The following PKIB variants were observed in gnomAD, a reference collection of about 807,000 sequenced individuals.
PKIB encodes the protein cAMP-dependent protein kinase inhibitor beta.
PKIB carries 2 observed loss-of-function variants against 4.5 expected under a neutral mutation model. That is an observed-to-expected ratio of 0.44 (90% CI 0.18 to 1.39). PKIB has a LOEUF of 1.39. PKIB is among the 40% of genes most tolerant of loss of function. The pLI, the probability that PKIB is intolerant of heterozygous loss-of-function variation, is 0.27. For synonymous variants in PKIB, 38 were observed against 36.0 expected (o/e 1.06, Z -0.20); for missense variants, 94 against 92.6 (o/e 1.02, Z -0.06).
chr6:122,593,537 G>A (rs1362440150), intron 3 of PKIB, among the ~76,000 whole-genome samples: 2 of 152,102 alleles, frequency 1.3e-5, no homozygotes, highest in Non-Finnish European at 2.9e-5. Flanking sequence ...ACTTTATTAC[G>A]TGAATTCCAG....
chr6:122,504,872 G>A lies in PKIB; in HGVS notation c.-248+26933G>A, dbSNP rs116433511. ...TTGTGGGCCAGCCTCAACACCATCCGTAGGGTATCCGAAGTCCGGTGGTAA... is the reference window on the plus strand; with the variant it reads ...TTGTGGGCCAGCCTCAACACCATCCATAGGGTATCCGAAGTCCGGTGGTAA... On this transcript the variant is annotated intron_variant, in intron 2 of 6. Coordinates refer to the PKIB transcript ENST00000392491. Among the ~76,000 whole-genome samples, 431 of 152,208 alleles carry A rather than the reference G, an allele frequency of 2.8e-3. 4 individuals carry two copies. Among genetic ancestry groups the A allele is most frequent in the African/African-American group, 9.1e-3 (377 of 41,530 alleles).
chr6:122,674,138 G>C (rs1777574299), intron 2 of PKIB, among the ~76,000 whole-genome samples: 1 of 152,148 alleles, frequency 6.6e-6, no homozygotes, highest in Admixed American at 6.5e-5. Flanking sequence ...GTGGAGTGGG[G>C]CTAGTTCTTG....
At chr6:122,714,728 T>C (rs1426126403) in intron 3 of PKIB, among the ~76,000 whole-genome samples, 1 of 152,118 alleles carries the variant, frequency 6.6e-6, no homozygotes, top group Non-Finnish European at 1.5e-5. Flanking sequence ...TATTGGGTAT[T>C]GGGCTTAATA....
At chr6:122,543,088 G>C (rs1777658691) in intron 2 of PKIB, among the ~76,000 whole-genome samples, 1 of 152,072 alleles carries the variant, frequency 6.6e-6, no homozygotes, top group Non-Finnish European at 1.5e-5. Context: ...TAGGGTGGGA[G>C]TGACCTGATT....
intron 2 of PKIB, among the ~76,000 whole-genome samples, chr6:122,512,136 C>G (rs1225507718): frequency 6.6e-6 from 1 of 152,176 alleles, no homozygotes; most frequent in African/African-American, 2.4e-5. Flanking sequence ...CCTAACACAC[C>G]AGTACCTCAG....
intron 2 of PKIB, among the ~76,000 whole-genome samples, chr6:122,496,014 G>A (rs1300229114): frequency 6.6e-6 from 1 of 152,116 alleles, no homozygotes; most frequent in Non-Finnish European, 1.5e-5. Flanking sequence ...TGGGGCTCCA[G>A]CTCAACCCAG....
intron 3 of PKIB, among the ~76,000 whole-genome samples, chr6:122,713,499 A>G (rs977361718): frequency 1.3e-5 from 2 of 152,150 alleles, no homozygotes; most frequent in Non-Finnish European, 1.5e-5. Flanking sequence ...GAAGAGAGCA[A>G]TTGTCTGTTT....
chr6:122,619,919 A>G (rs536451458), intron 1 of PKIB, among the ~76,000 whole-genome samples: 19 of 152,204 alleles, frequency 1.2e-4, no homozygotes, highest in African/African-American at 4.1e-4. Context: ...AAATTAATCT[A>G]TATTATTAAC....
chr6:122,582,591 G>C (rs1055562993), intron 2 of PKIB, among the ~76,000 whole-genome samples: 1 of 152,118 alleles, frequency 6.6e-6, no homozygotes, highest in Non-Finnish European at 1.5e-5. Context: ...GGAGGGGCTA[G>C]ACATATAGAT....
At chr6:122,659,797 G>C (rs892617452) in intron 2 of PKIB, among the ~76,000 whole-genome samples, 1 of 152,050 alleles carries the variant, frequency 6.6e-6, no homozygotes, top group Admixed American at 6.6e-5. Context: ...TGTAAATGCA[G>C]AAGTGAAGTA....
intron 2 of PKIB, among the ~76,000 whole-genome samples, chr6:122,662,308 CTTTTTTTTTTTTTTTTTTT>C (rs71021412): frequency 6.8e-4 from 9 of 13,252 alleles, no homozygotes; most frequent in Non-Finnish European, 1.2e-3. Flanking sequence ...TCCTTGTCTC[CTTTTTTTTTTTTTTTTTTT>C]TTTTTTTTTT....
chr6:122,514,250 G>A (rs752378372), intron 2 of PKIB, among the ~76,000 whole-genome samples: 3 of 152,172 alleles, frequency 2.0e-5, no homozygotes, highest in Non-Finnish European at 2.9e-5. Context: ...AGAATTCTCA[G>A]TATGCTTTCC....
chr6:122,663,655 C>T (rs1777102840), intron 2 of PKIB, among the ~76,000 whole-genome samples: 2 of 152,150 alleles, frequency 1.3e-5, no homozygotes, highest in Non-Finnish European at 2.9e-5. Flanking sequence ...ACAGGACATT[C>T]TCTGTGTGTC....
chr6:122,644,270 T>G (rs1325959711), intron 2 of PKIB: 4 of 152,228 alleles, frequency 2.6e-5, no homozygotes, highest in African/African-American at 9.6e-5. Flanking sequence ...TTTCTTAGTC[T>G]TTCTAACACT....
intron 2 of PKIB, among the ~76,000 whole-genome samples, chr6:122,523,039 A>G (rs950113200): frequency 5.9e-5 from 9 of 152,178 alleles, no homozygotes; most frequent in African/African-American, 2.2e-4. Flanking sequence ...AAACAGTGAG[A>G]CTGGGCATCC....
chr6:122,717,606 A>C, intron 3 of PKIB, 181 bp from the exon 4 acceptor site: 1 of 618,282 alleles, frequency 1.6e-6, no homozygotes. Context: ...TTCCTGCTCT[A>C]TTCAGCAAAT....
chr6:122,505,973 T>A (rs2114569129), intron 2 of PKIB, among the ~76,000 whole-genome samples: 1 of 152,150 alleles, frequency 6.6e-6, no homozygotes, highest in East Asian at 1.9e-4. Flanking sequence ...AATAGAGGAG[T>A]GTAAAGTAAT....
intron 2 of PKIB, among the ~76,000 whole-genome samples, chr6:122,581,012 C>T (rs1773686977): frequency 6.6e-6 from 1 of 152,096 alleles, no homozygotes; most frequent in Admixed American, 6.6e-5. Context: ...TGCCAAATAC[C>T]CAGGATCTTC....
chr6:122,593,610 T>C (rs991610331), intron 3 of PKIB, among the ~76,000 whole-genome samples: 13 of 152,210 alleles, frequency 8.5e-5, no homozygotes, highest in Non-Finnish European at 2.9e-5. Flanking sequence ...ATATTCACAA[T>C]TGTTAAAGCT....
Sources: gnomAD v4.1 joint callset for allele counts (sites outside exome capture counted in the v4.1 genomes callset) on GRCh38, gnomAD v4.1.1 for gene constraint, MANE v1.5 for transcripts, NCBI Gene and HGNC (gene_info 2026-07-23, HGNC 2026-07-21) for gene names.